Variants in RCAN2 observed in about 807,000 individuals in gnomAD.
The protein encoded by RCAN2 is regulator of calcineurin 2.
A neutral mutation model predicts 23.6 loss-of-function variants in RCAN2; 9 were observed. The observed-to-expected ratio is 0.38, with a 90% CI of 0.23 to 0.67. RCAN2 has a LOEUF of 0.67. Ranked by LOEUF, RCAN2 falls within the 30% of genes least tolerant of loss-of-function variation. The probability of loss-of-function intolerance (pLI) is 0.51; values close to 1 mark genes in which losing one functional copy is unlikely to be tolerated. For missense variants in RCAN2, 273 were observed against 302.3 expected (o/e 0.90, Z 0.72); for synonymous variants, 109 against 115.7 (o/e 0.94, Z 0.37).
intron 2 of RCAN2, among the ~76,000 whole-genome samples, chr6:46,394,818 A>C (rs1173125329): frequency 6.6e-6 from 1 of 152,200 alleles, no homozygotes; most frequent in Non-Finnish European, 1.5e-5. Flanking sequence ...AGGCTATTGA[A>C]ATAATAATAA....
At chr6:46,365,767 T>C (rs548380605) in intron 2 of RCAN2, among the ~76,000 whole-genome samples, 1 of 152,246 alleles carries the variant, frequency 6.6e-6, no homozygotes, top group African/African-American at 2.4e-5. Context: ...TCATCAGGTA[T>C]CTTGCTCTTA....
At chr6:46,490,602 C>A (rs1185462342) in intron 1 of RCAN2, among the ~76,000 whole-genome samples, 3 of 152,136 alleles carry the variant, frequency 2.0e-5, no homozygotes, top group Non-Finnish European at 4.4e-5. Context: ...GCGCTCCGCT[C>A]CATTTCACTT....
intron 2 of RCAN2, 134 bp downstream of exon 2, chr6:46,456,617 TG>T (rs1768039180): frequency 4.6e-6 from 3 of 653,412 alleles, no homozygotes; most frequent in Non-Finnish European, 8.1e-6. Context: ...TTTCTTATCC[TG>T]GTACACATGC....
At chr6:46,474,280 G>C (rs527388842) in intron 1 of RCAN2, among the ~76,000 whole-genome samples, 1 of 152,108 alleles carries the variant, frequency 6.6e-6, no homozygotes, top group South Asian at 2.1e-4. Flanking sequence ...AATATATACA[G>C]AGGGGAGAGC....
Position 46,348,149 on chromosome 6 carries a change from G to A in RCAN2, c.226-99253C>T, listed in dbSNP as rs189684539. Among the ~76,000 whole-genome samples, 53 of 152,202 alleles carry A rather than the reference G, an allele frequency of 3.5e-4. No individual in the cohort carries two copies. In the East Asian group the frequency reaches 7.1e-3, roughly 21 times the overall value. On this transcript the variant is annotated intron_variant, in intron 2 of 4. Coordinates refer to ENST00000371374, the MANE Select transcript of RCAN2 (RefSeq NM_001251974.2). The stretch of plus-strand genomic sequence containing the variant: ...TGTTTGTGTCTCTTTTTATGTTAAG[G>A]AAATTAAATAACCATTTTGTGGTGT...
intron 2 of RCAN2, among the ~76,000 whole-genome samples, chr6:46,419,316 G>A (rs1162976843): frequency 6.6e-6 from 1 of 151,958 alleles, no homozygotes; most frequent in Non-Finnish European, 1.5e-5. Flanking sequence ...TTTCAAACAG[G>A]CCTTCCAAGT....
chr6:46,290,741 T>C (rs1016158597), intron 2 of RCAN2, among the ~76,000 whole-genome samples: 2 of 152,362 alleles, frequency 1.3e-5, no homozygotes, highest in African/African-American at 2.4e-5. Context: ...GCCAAAGATA[T>C]ATGACTAAAA....
intron 2 of RCAN2, among the ~76,000 whole-genome samples, chr6:46,252,199 C>T (rs939582017): frequency 6.6e-6 from 1 of 152,056 alleles, no homozygotes; most frequent in African/African-American, 2.4e-5. Context: ...ACAATGAAGC[C>T]ACCAGATGTA....
At chr6:46,343,774 A>C (rs192201617) in intron 2 of RCAN2, among the ~76,000 whole-genome samples, 1 of 152,222 alleles carries the variant, frequency 6.6e-6, no homozygotes, top group Non-Finnish European at 1.5e-5. Context: ...AAACAAAGAC[A>C]TATGTTGATA....
At chr6:46,235,807 C>T (rs1482068749) in intron 4 of RCAN2, among the ~76,000 whole-genome samples, 2 of 152,180 alleles carry the variant, frequency 1.3e-5, no homozygotes, top group East Asian at 1.9e-4. Flanking sequence ...CTAACCCTCC[C>T]ACCCAAAATA....
intron 2 of RCAN2, among the ~76,000 whole-genome samples, chr6:46,387,147 C>A (rs917201481): frequency 3.3e-5 from 5 of 152,058 alleles, no homozygotes; most frequent in Admixed American, 2.6e-4. Flanking sequence ...ACCATAAAAA[C>A]CCTAGAAAAA....
At chr6:46,307,178 G>A (rs761100529) in intron 2 of RCAN2, among the ~76,000 whole-genome samples, 132 of 152,128 alleles carry the variant, frequency 8.7e-4, no homozygotes, top group Non-Finnish European at 5.6e-4. Flanking sequence ...GCACTGTGCT[G>A]GGTGCTGGGG....
chr6:46,320,049 T>C (rs1362146653), intron 2 of RCAN2, among the ~76,000 whole-genome samples: 1 of 151,966 alleles, frequency 6.6e-6, no homozygotes, highest in Non-Finnish European at 1.5e-5. Flanking sequence ...TGAATACCTC[T>C]AGAGGGTTTA....
intron 2 of RCAN2, among the ~76,000 whole-genome samples, chr6:46,436,930 T>A (rs1309642395): frequency 1.3e-5 from 2 of 152,156 alleles, no homozygotes; most frequent in African/African-American, 4.8e-5. Flanking sequence ...AAAAGAAAGT[T>A]CAGCCTTCCC....
At chr6:46,480,654 T>C (rs1423938192) in intron 1 of RCAN2, among the ~76,000 whole-genome samples, 1 of 151,780 alleles carries the variant, frequency 6.6e-6, no homozygotes, top group Non-Finnish European at 1.5e-5. Flanking sequence ...AGACGGAGTC[T>C]TCGATCTGTC....
chr6:46,378,732 G>A (rs554740482), intron 2 of RCAN2, among the ~76,000 whole-genome samples: 11 of 152,128 alleles, frequency 7.2e-5, no homozygotes, highest in South Asian at 2.1e-4. Flanking sequence ...GTAGCAGCCC[G>A]TTAAACAGAT....
chr6:46,337,014 G>A (rs563124839), intron 2 of RCAN2, among the ~76,000 whole-genome samples: 8 of 151,594 alleles, frequency 5.3e-5, no homozygotes, highest in African/African-American at 1.9e-4. Context: ...TTCAGTCTGG[G>A]TAGATCATGG....
At chr6:46,405,385 T>A (rs1766369886) in intron 2 of RCAN2, among the ~76,000 whole-genome samples, 1 of 152,174 alleles carries the variant, frequency 6.6e-6, no homozygotes, top group Non-Finnish European at 1.5e-5. Flanking sequence ...AGCCTGCTTT[T>A]ATTCTCTTAT....
intron 3 of RCAN2, among the ~76,000 whole-genome samples, chr6:46,247,375 A>G (rs1324579416): frequency 1.3e-5 from 2 of 152,198 alleles, no homozygotes; most frequent in Non-Finnish European, 2.9e-5. Context: ...TTGAAAGTGA[A>G]CAGTTCAGTG....
Sources: gnomAD v4.1 joint callset for allele counts (sites outside exome capture counted in the v4.1 genomes callset) on GRCh38, gnomAD v4.1.1 for gene constraint, MANE v1.5 for transcripts, NCBI Gene and HGNC (gene_info 2026-07-23, HGNC 2026-07-21) for gene names.